SPTBN1: variants seen among roughly 807,000 people sequenced by gnomAD.
The protein encoded by SPTBN1 is spectrin beta chain, non-erythrocytic 1.
In SPTBN1, 32 loss-of-function variants were observed where a neutral mutation model predicts 266.4. The ratio of observed to expected loss-of-function variants is 0.12; its 90% CI spans 0.09 to 0.16. The LOEUF (loss-of-function observed/expected upper bound fraction) is 0.16, where lower values mean the gene tolerates loss of function less well. Ranked by LOEUF, SPTBN1 falls within the 10% of genes least tolerant of loss-of-function variation. The pLI, the probability that SPTBN1 is intolerant of heterozygous loss-of-function variation, is 1.00. For missense variants in SPTBN1, 2,296 were observed against 3,067.1 expected, an observed-to-expected ratio of 0.75 and a Z score of 5.94; for synonymous variants, 1,336 against 1,162.2, an observed-to-expected ratio of 1.15 and a Z score of -3.04.
Position 54,618,160 on chromosome 2 carries a change from C to T in SPTBN1, c.730C>T (p.His244Tyr). The T allele has an allele frequency of 6.2e-7, 1 of 1,614,184 alleles. No individual in the cohort carries two copies. The highest frequency in any genetic ancestry group is 8.5e-7 in the Non-Finnish European group (1 of 1,180,030). Reference sequence around the variant, plus strand: ...GAATGCATTTAATCTGGCAGAACAGCACCTCGGCCTCACTAAACTGTTGGA... The same window carrying T: ...GAATGCATTTAATCTGGCAGAACAGTACCTCGGCCTCACTAAACTGTTGGA... ...LQNAFNLAEQ[H>Y]LGLTKLLDPE... The change falls in exon 7 of 36, where the codon CAC becomes TAC. Residue 244 changes from histidine to tyrosine, a missense_variant. Physicochemically the swap from His to Tyr is moderately conservative, Grantham distance 83. Coordinates refer to ENST00000356805, the MANE Select transcript of SPTBN1 (RefSeq NM_003128.3).
rs576378343 is a variant in SPTBN1 at position 54,670,921 on chromosome 2, T to C, written c.*2352T>C. 2.9e-4 allele frequency: 115 copies of C among 398,056 alleles called. No individual in the cohort carries two copies. The highest frequency in any genetic ancestry group is 2.3e-3 in the African/African-American group (110 of 48,692). The allele number at this position is 398,056 out of a possible 1,614,324, so 24.7% of individuals were successfully genotyped here. On this transcript the variant is annotated 3_prime_UTR_variant, in exon 36 of 36. Transcript: ENST00000356805. ...TTACAGGCCGCACAGCCTGATGAGC[T>C]TCAAGCCTGGCAGGGTAAATAGTTT...
chr2:54,538,655 C>G (rs535780566), intron 2 of SPTBN1, among the ~76,000 whole-genome samples: 57 of 152,292 alleles, frequency 3.7e-4, no homozygotes, highest in African/African-American at 1.3e-3. Flanking sequence ...GACCTCTTTG[C>G]TGCAAGCCTG....
chr2:54,496,953 A>G (rs1245281422), intron 1 of SPTBN1, among the ~76,000 whole-genome samples: 1 of 152,246 alleles, frequency 6.6e-6, no homozygotes, highest in Non-Finnish European at 1.5e-5. Flanking sequence ...ACTTGGTTAA[A>G]TAAATTTTGG....
chr2:54,530,171 T>A (rs1340034788), intron 2 of SPTBN1, among the ~76,000 whole-genome samples: 4 of 152,070 alleles, frequency 2.6e-5, no homozygotes, highest in African/African-American at 7.2e-5. Flanking sequence ...CATGTAGGAA[T>A]TCATCTTTTA....
intron 2 of SPTBN1, among the ~76,000 whole-genome samples, chr2:54,575,472 C>T (rs1674394810): frequency 6.6e-6 from 1 of 152,216 alleles, no homozygotes; most frequent in Non-Finnish European, 1.5e-5. Flanking sequence ...AATGCATCTG[C>T]ATATCTCGAA....
chr2:54,488,457 A>G (rs1668522821), intron 1 of SPTBN1, among the ~76,000 whole-genome samples: 1 of 151,808 alleles, frequency 6.6e-6, no homozygotes. Context: ...TTTATTTTTT[A>G]TTTTTGGCAG....
intron 29 of SPTBN1, 48 bp downstream of exon 29, chr2:54,656,046 C>T (rs1426927129): frequency 1.3e-6 from 2 of 1,482,492 alleles, no homozygotes; most frequent in East Asian, 2.3e-5. Flanking sequence ...CAATGGAAAA[C>T]ATGCACGTTT....
intron 1 of SPTBN1, among the ~76,000 whole-genome samples, chr2:54,487,170 CTTTTTTTT>C (rs34779689): frequency 7.1e-5 from 7 of 98,586 alleles, no homozygotes; most frequent in Non-Finnish European, 1.4e-4. Flanking sequence ...ATTAGGATTT[CTTTTTTTT>C]TTTTTTTTTT....
intron 2 of SPTBN1, among the ~76,000 whole-genome samples, chr2:54,548,067 C>T (rs1429671016): frequency 1.3e-5 from 2 of 152,136 alleles, no homozygotes; most frequent in Non-Finnish European, 2.9e-5. Context: ...GGCATGAACC[C>T]AGGAGGTGGA....
At chr2:54,547,427 G>A (rs775014426) in intron 2 of SPTBN1, among the ~76,000 whole-genome samples, 1 of 152,222 alleles carries the variant, frequency 6.6e-6, no homozygotes. Context: ...ACATAGGAAT[G>A]CAAGTGTCTC....
intron 15 of SPTBN1, 24 bp from the exon 16 acceptor site, chr2:54,630,831 C>G (rs1002074078): frequency 3.3e-6 from 5 of 1,536,144 alleles, no homozygotes; most frequent in East Asian, 4.5e-5. Flanking sequence ...TTTTCACACT[C>G]GCTGTCTGCC....
At chr2:54,665,418 C>G (rs1371495917) in intron 33 of SPTBN1, among the ~76,000 whole-genome samples, 1 of 152,148 alleles carries the variant, frequency 6.6e-6, no homozygotes, top group African/African-American at 2.4e-5. Context: ...AGGGGAAAAG[C>G]CACTTTATTC....
intron 2 of SPTBN1, among the ~76,000 whole-genome samples, chr2:54,550,470 A>G (rs1298603799): frequency 3.3e-5 from 5 of 152,200 alleles, no homozygotes; most frequent in Admixed American, 6.5e-5. Context: ...CCTGTTTTTC[A>G]AAGAGCAAGA....
intron 1 of SPTBN1, among the ~76,000 whole-genome samples, chr2:54,482,250 C>T (rs1668137703): frequency 6.6e-6 from 1 of 151,824 alleles, no homozygotes. Context: ...CATGGTGGCT[C>T]ATGCCTGAAA....
At chr2:54,667,865 C>T (rs1681467011) in intron 35 of SPTBN1, among the ~76,000 whole-genome samples, 1 of 152,090 alleles carries the variant, frequency 6.6e-6, no homozygotes, top group Admixed American at 6.5e-5. Flanking sequence ...CCCTTAAAGT[C>T]GATGGAATCT....
chr2:54,589,713 T>C (rs1675542776), intron 2 of SPTBN1, among the ~76,000 whole-genome samples: 1 of 152,208 alleles, frequency 6.6e-6, no homozygotes, highest in African/African-American at 2.4e-5. Flanking sequence ...AAAAGATTAG[T>C]TTCCTTCCTG....
intron 2 of SPTBN1, among the ~76,000 whole-genome samples, chr2:54,556,419 T>G (rs532400400): frequency 1.2e-4 from 19 of 152,198 alleles, no homozygotes; most frequent in Non-Finnish European, 1.9e-4. Context: ...AATTAAAAAT[T>G]ATTTCATGTA....
In SPTBN1 at chr2:54,554,836, C is replaced by T. The variant is rs1672770386; in HGVS notation, c.148+28270C>T. On this transcript the variant is annotated intron_variant, in intron 2 of 35. Coordinates refer to ENST00000356805, the MANE Select transcript of SPTBN1 (RefSeq NM_003128.3). This position sits in a 1 kb window ranked among gnomAD's most constrained non-coding sequence, Gnocchi z 4.5. ...CTGAAACCTGTGCACAGAGGACATA[C>T]TCAGTTGGGCCCTGCCTTGGAACAT... is the stretch of plus-strand genomic sequence containing the variant. Among the ~76,000 whole-genome samples, 1 of 152,162 alleles carries T rather than the reference C, an allele frequency of 6.6e-6. No homozygotes were observed. The highest frequency in any genetic ancestry group is 1.5e-5 in the Non-Finnish European group (1 of 68,038).
chr2:54,583,539 C>T (rs1268290363), intron 2 of SPTBN1, among the ~76,000 whole-genome samples: 2 of 152,190 alleles, frequency 1.3e-5, no homozygotes, highest in Admixed American at 6.5e-5. Flanking sequence ...TTGAAAACTA[C>T]TCCCCTGGCA....
Sources: allele counts gnomAD v4.1 joint callset (sites outside exome capture counted in the v4.1 genomes callset), GRCh38; gene constraint gnomAD v4.1.1; non-coding constraint Gnocchi (gnomAD v3.1); transcripts MANE v1.5; gene names NCBI Gene and HGNC (gene_info 2026-07-23, HGNC 2026-07-21).